Variants in SIL1 observed in about 807,000 individuals in gnomAD.
The protein encoded by SIL1 is SIL1 nucleotide exchange factor.
In SIL1, 40 loss-of-function variants were observed where a neutral mutation model predicts 49.1. The ratio of observed to expected loss-of-function variants is 0.81; its 90% CI spans 0.63 to 1.06. SIL1 has a LOEUF of 1.06. Ranked by LOEUF, SIL1 falls within the 50% of genes least tolerant of loss-of-function variation. The probability of loss-of-function intolerance (pLI) is 0.00; values close to 1 mark genes in which losing one functional copy is unlikely to be tolerated. For synonymous variants in SIL1, 253 were observed against 250.8 expected, an observed-to-expected ratio of 1.01 and a Z score of -0.08; for missense variants, 500 against 572.6, an observed-to-expected ratio of 0.87 and a Z score of 1.29.
At chr5:139,013,371 A>C (rs932937687) in intron 7 of SIL1, among the ~76,000 whole-genome samples, 9 of 152,142 alleles carry the variant, frequency 5.9e-5, no homozygotes, top group Admixed American at 6.5e-5. Flanking sequence ...ATTCCTTTTT[A>C]GTGGAAGATT....
intron 3 of SIL1, among the ~76,000 whole-genome samples, chr5:139,081,023 A>T (rs972114790): frequency 3.3e-5 from 5 of 152,236 alleles, no homozygotes; most frequent in Non-Finnish European, 7.3e-5. Context: ...GCCCTAAAAA[A>T]GAGTTGGACT....
intron 7 of SIL1, among the ~76,000 whole-genome samples, chr5:138,973,815 G>A (rs539414513): frequency 6.6e-6 from 1 of 152,048 alleles, no homozygotes; most frequent in East Asian, 1.9e-4. Context: ...CAAACTCCAG[G>A]CTCAAGTGAT....
chr5:139,138,592 T>C (rs996152640), intron 1 of SIL1, among the ~76,000 whole-genome samples: 2 of 152,228 alleles, frequency 1.3e-5, no homozygotes, highest in African/African-American at 4.8e-5. Flanking sequence ...ACTAGCTGTG[T>C]GACTTTGGGC....
intron 1 of SIL1, among the ~76,000 whole-genome samples, chr5:139,136,628 G>A (rs1750979214): frequency 6.6e-6 from 1 of 152,186 alleles, no homozygotes; most frequent in Admixed American, 6.5e-5. Context: ...CAGGAGATCA[G>A]TCACTGGATT....
At chr5:138,953,689 C>A (rs994407234) in intron 7 of SIL1, among the ~76,000 whole-genome samples, 1 of 124,190 alleles carries the variant, frequency 8.1e-6, no homozygotes. Context: ...GCTCCCCTGC[C>A]CCCCACGACT....
chr5:139,026,669 GA>G, intron 6 of SIL1, 131 bp downstream of exon 6: 1 of 859,788 alleles, frequency 1.2e-6, no homozygotes, highest in East Asian at 2.6e-5. Context: ...AAGATAACAA[GA>G]CTAGATTAAA....
chr5:139,129,174 C>T (rs371651598), intron 1 of SIL1, among the ~76,000 whole-genome samples: 49 of 152,186 alleles, frequency 3.2e-4, no homozygotes, highest in African/African-American at 1.2e-3. Flanking sequence ...AGTTAGAGGA[C>T]TCACTCTTCC....
At chr5:139,143,239 A>ATATG (rs1751116202) in intron 1 of SIL1, among the ~76,000 whole-genome samples, 2 of 130,418 alleles carry the variant, frequency 1.5e-5, no homozygotes, top group Non-Finnish European at 1.5e-5. Context: ...ATATACATAT[A>ATATG]TGTATATATA....
At chr5:138,986,042 C>T (rs1233680216) in intron 7 of SIL1, among the ~76,000 whole-genome samples, 1 of 152,228 alleles carries the variant, frequency 6.6e-6, no homozygotes, top group African/African-American at 2.4e-5. Flanking sequence ...CCTTCCCTCC[C>T]TCTGGATTGC....
At position 139,042,601 on chromosome 5, in the gene SIL1, A is replaced by C; in HGVS notation, c.453+19T>G. On this transcript the variant is annotated intron_variant, in intron 5 of 9. Transcript: ENST00000394817. ...GGCCATGCTGCAGGCTTATACTCAC[A>C]GGAAAAATAATCACACACCTTGTCT... The C allele has an allele frequency of 6.2e-7, 1 of 1,609,536 alleles. No individual in the cohort carries two copies. The highest frequency in any genetic ancestry group is 8.5e-7 in the Non-Finnish European group (1 of 1,175,748).
chr5:139,061,259 T>C (rs551389535), intron 3 of SIL1, among the ~76,000 whole-genome samples: 22 of 152,328 alleles, frequency 1.4e-4, no homozygotes, highest in Non-Finnish European at 1.6e-4. Flanking sequence ...CTGTGGAGCC[T>C]GGCTGCCCTG....
At chr5:139,154,355 G>A (rs1007483348) in intron 1 of SIL1, among the ~76,000 whole-genome samples, 2 of 152,164 alleles carry the variant, frequency 1.3e-5, no homozygotes, top group Non-Finnish European at 2.9e-5. Context: ...ACATTTCCAG[G>A]GACATTACAG....
At chr5:139,139,042 A>G (rs1751030417) in intron 1 of SIL1, among the ~76,000 whole-genome samples, 1 of 152,196 alleles carries the variant, frequency 6.6e-6, no homozygotes, top group Non-Finnish European at 1.5e-5. Context: ...CCTGTCTCCA[A>G]ATTCCTGCTG....
In SIL1 at chr5:138,946,968, A is replaced by C; in HGVS notation, c.*149T>G. On this transcript the variant is annotated 3_prime_UTR_variant, in exon 10 of 10. Transcript: ENST00000394817. ...CCACAGGGCTGTGCCCAGTCTACACAGACACACAGCAGAAAGAGGATGGCC... is the reference window on the plus strand; with the variant it reads ...CCACAGGGCTGTGCCCAGTCTACACCGACACACAGCAGAAAGAGGATGGCC... 1 of 708,032 alleles carries C rather than the reference A, an allele frequency of 1.4e-6. No individual in the cohort carries two copies. Among genetic ancestry groups the C allele is most frequent in the Non-Finnish European group, 2.5e-6 (1 of 393,536 alleles). The allele number at this position is 708,032 out of a possible 1,614,324, so 43.9% of individuals were successfully genotyped here. A position where few individuals can be genotyped will look rare whatever the true frequency, so the allele number is the denominator to read the frequency against.
At chr5:139,143,338 CACACACATATATAT>C (rs1751127719) in intron 1 of SIL1, among the ~76,000 whole-genome samples, 2 of 84,208 alleles carry the variant, frequency 2.4e-5, no homozygotes, top group Non-Finnish European at 2.3e-5. Context: ...CACACACACA[CACACACATATATAT>C]ATATATATAT....
chr5:139,097,179 GA>G (rs928354085), intron 3 of SIL1, among the ~76,000 whole-genome samples: 2 of 152,018 alleles, frequency 1.3e-5, no homozygotes, highest in African/African-American at 4.8e-5. Context: ...ATACCAGGTA[GA>G]TGTCTAAGGT....
intron 7 of SIL1, among the ~76,000 whole-genome samples, chr5:138,981,177 C>T (rs1767509858): frequency 6.7e-6 from 1 of 149,182 alleles, no homozygotes; most frequent in Admixed American, 6.7e-5. Flanking sequence ...CACGTCACTG[C>T]CCTCTAGCCT....
At chr5:139,069,425 G>A (rs548874065) in intron 3 of SIL1, among the ~76,000 whole-genome samples, 2 of 152,022 alleles carry the variant, frequency 1.3e-5, no homozygotes. Context: ...AAACCAAACA[G>A]AAATGGAAAA....
At chr5:139,013,207 T>G (rs1320641260) in intron 7 of SIL1, among the ~76,000 whole-genome samples, 1 of 152,194 alleles carries the variant, frequency 6.6e-6, no homozygotes, top group Non-Finnish European at 1.5e-5. Flanking sequence ...TCTAGAAGTA[T>G]GTTCAAATTC....
Sources: gnomAD v4.1 joint callset for allele counts (sites outside exome capture counted in the v4.1 genomes callset) on GRCh38, gnomAD v4.1.1 for gene constraint, MANE v1.5 for transcripts, NCBI Gene and HGNC (gene_info 2026-07-23, HGNC 2026-07-21) for gene names.